SV2C: variants seen among roughly 807,000 people sequenced by gnomAD.
SV2C encodes the protein synaptic vesicle glycoprotein 2C.
Under a neutral mutation model 79.7 loss-of-function variants are expected in SV2C, and 49 were observed. The ratio of observed to expected loss-of-function variants is 0.61; its 90% CI spans 0.49 to 0.78. The LOEUF (loss-of-function observed/expected upper bound fraction) is 0.78, where lower values mean the gene tolerates loss of function less well. Ranked by LOEUF, SV2C falls within the 30% of genes least tolerant of loss-of-function variation. The probability of loss-of-function intolerance (pLI) is 0.00; values close to 1 mark genes in which losing one functional copy is unlikely to be tolerated. For missense variants in SV2C, 833 were observed against 912.9 expected, an observed-to-expected ratio of 0.91 and a Z score of 1.13; for synonymous variants, 334 against 333.2, an observed-to-expected ratio of 1.00 and a Z score of -0.03.
At chr5:75,904,224 T>C in the SV2C span, among the ~76,000 whole-genome samples, 1 of 152,108 alleles carries the variant, frequency 6.6e-6, no homozygotes, top group Admixed American at 6.6e-5. Flanking sequence ...CATATAAAAA[T>C]ATCATTTATT....
downstream of SV2C, among the ~76,000 whole-genome samples, chr5:76,338,740 C>A (rs1288127728): frequency 6.6e-6 from 1 of 151,114 alleles, no homozygotes; most frequent in African/African-American, 2.4e-5. Flanking sequence ...TCACTGCAAC[C>A]TCCACCTCCT....
chr5:76,061,267 GT>G, the SV2C span, among the ~76,000 whole-genome samples: 1 of 49,024 alleles, frequency 2.0e-5, no homozygotes, highest in Non-Finnish European at 3.3e-5. Flanking sequence ...CCTTCAATTT[GT>G]AAAAAAAAAA....
the SV2C span, among the ~76,000 whole-genome samples, chr5:76,073,503 G>A: frequency 9.3e-3 from 628 of 67,350 alleles, 7 homozygotes; most frequent in African/African-American, 0.025. Flanking sequence ...GTATGTGTGT[G>A]TATATATATA....
chr5:75,887,625 T>A, the SV2C span, among the ~76,000 whole-genome samples: 8 of 152,134 alleles, frequency 5.3e-5, no homozygotes, highest in African/African-American at 1.9e-4. Context: ...TTCTTGCTCA[T>A]TCAGTCAAAT....
At chr5:75,973,505 GA>G in the SV2C span, among the ~76,000 whole-genome samples, 415 of 149,310 alleles carry the variant, frequency 2.8e-3, 4 homozygotes, top group African/African-American at 7.9e-3. Context: ...AAGAAAAAAA[GA>G]AAAAAAAGAA....
intron 2 of SV2C, among the ~76,000 whole-genome samples, chr5:76,175,893 A>C (rs1743511036): frequency 6.6e-6 from 1 of 152,076 alleles, no homozygotes; most frequent in Non-Finnish European, 1.5e-5. Flanking sequence ...GACAGCCCCC[A>C]CTGCACTCTG....
intron 2 of SV2C, among the ~76,000 whole-genome samples, chr5:76,169,665 T>G (rs111556296): frequency 0.016 from 2,463 of 152,270 alleles, 56 homozygotes; most frequent in African/African-American, 0.051. Flanking sequence ...CCTTAACTGG[T>G]TCCATCACAT....
chr5:76,058,167 A>G, the SV2C span, among the ~76,000 whole-genome samples: 4 of 151,908 alleles, frequency 2.6e-5, no homozygotes, highest in South Asian at 2.1e-4. Context: ...AAAATTGGCT[A>G]TGGTGAGAGG....
chr5:76,259,187 A>G (rs1215094500), intron 4 of SV2C, among the ~76,000 whole-genome samples: 1 of 152,092 alleles, frequency 6.6e-6, no homozygotes, highest in Non-Finnish European at 1.5e-5. Context: ...TTATGTTTTC[A>G]TTTCTCTTGG....
At chr5:75,865,161 A>G in the SV2C span, among the ~76,000 whole-genome samples, 1 of 152,228 alleles carries the variant, frequency 6.6e-6, no homozygotes, top group Non-Finnish European at 1.5e-5. Flanking sequence ...ACACTGAGTG[A>G]CCACATACCT....
chr5:75,878,050 C>A, the SV2C span, among the ~76,000 whole-genome samples: 9 of 151,954 alleles, frequency 5.9e-5, no homozygotes, highest in African/African-American at 1.9e-4. Context: ...GAATGGTACA[C>A]TTAAAAAGGG....
At position 76,295,847 on chromosome 5, in the gene SV2C, A is replaced by G; in HGVS notation, c.1407A>G (p.Leu469=). 6.2e-7 allele frequency: 1 copy of G among 1,613,584 alleles called. No individual in the cohort carries two copies. The highest frequency in any genetic ancestry group is 8.5e-7 in the Non-Finnish European group (1 of 1,179,758). ...TGCAGTCCGATGAATATGCATTGCT[A>G]ACCAGAAATGTGGAGAGAGATAAAT... The part of the protein sequence containing the change: ...KPLQSDEYAL[L]TRNVERDKYA... The change falls in exon 9 of 13, where the codon CTA becomes CTG. Residue 469 remains leucine, a synonymous_variant. Coordinates refer to ENST00000502798, the MANE Select transcript of SV2C (RefSeq NM_014979.4).
rs923929349 is a variant in SV2C, at chr5:76,326,607, A to G, written c.*1060A>G. 2.0e-5 allele frequency: 3 copies of G among 152,224 alleles called. No individual in the cohort carries two copies. Among genetic ancestry groups the G allele is most frequent in the Admixed American group, 2.0e-4 (3 of 15,286 alleles). 9.4% of individuals were successfully genotyped at this position (152,224 alleles called of 1,614,324 possible). ...CCACCCCACCTGGCCCGCAGTTGACATTCAGCTTCCCAGCTGGCATCAGCA... is the reference window on the plus strand; with the variant it reads ...CCACCCCACCTGGCCCGCAGTTGACGTTCAGCTTCCCAGCTGGCATCAGCA... On this transcript the variant is annotated 3_prime_UTR_variant, in exon 13 of 13. Coordinates refer to ENST00000502798, the MANE Select transcript of SV2C (RefSeq NM_014979.4).
intron 1 of SV2C, among the ~76,000 whole-genome samples, chr5:76,095,140 T>C (rs1747511532): frequency 6.6e-6 from 1 of 152,034 alleles, no homozygotes; most frequent in African/African-American, 2.4e-5. Context: ...ATATATAGTT[T>C]CAGAGGCTTT....
intron 4 of SV2C, among the ~76,000 whole-genome samples, chr5:76,253,425 TG>T (rs1217943913): frequency 6.6e-6 from 1 of 152,126 alleles, no homozygotes; most frequent in African/African-American, 2.4e-5. Flanking sequence ...AACTAGTCTG[TG>T]GGGTTTTCAA....
At chr5:76,095,339 TATTA>T (rs1314450854) in intron 1 of SV2C, among the ~76,000 whole-genome samples, 1 of 152,146 alleles carries the variant, frequency 6.6e-6, no homozygotes, top group Admixed American at 6.5e-5. Context: ...ATATGCCTCT[TATTA>T]ATTAACAAAT....
intron 4 of SV2C, among the ~76,000 whole-genome samples, chr5:76,221,340 CACTT>C (rs1330380333): frequency 6.6e-6 from 1 of 152,172 alleles, no homozygotes; most frequent in Non-Finnish European, 1.5e-5. Context: ...CCAAAGAAAA[CACTT>C]ACAGTTTAAC....
At chr5:76,181,450 G>A (rs550934265) in intron 2 of SV2C, among the ~76,000 whole-genome samples, 24 of 152,308 alleles carry the variant, frequency 1.6e-4, no homozygotes, top group African/African-American at 5.3e-4. Context: ...AGACCTACCC[G>A]AGACTGGGTA....
intron 9 of SV2C, among the ~76,000 whole-genome samples, chr5:76,296,735 A>G (rs1222145740): frequency 6.6e-6 from 1 of 152,230 alleles, no homozygotes; most frequent in African/African-American, 2.4e-5. Context: ...GGCAAAAACC[A>G]GTTCAGAAAG....
Sources: gnomAD v4.1 joint callset for allele counts (sites outside exome capture counted in the v4.1 genomes callset) on GRCh38, gnomAD v4.1.1 for gene constraint, MANE v1.5 for transcripts, NCBI Gene and HGNC (gene_info 2026-07-23, HGNC 2026-07-21) for gene names.